PTCD1: variants seen among roughly 807,000 people sequenced by gnomAD.
PTCD1 encodes pentatricopeptide repeat-containing protein 1, mitochondrial.
PTCD1 carries 50 observed loss-of-function variants against 53.4 expected under a neutral mutation model. The ratio of observed to expected loss-of-function variants is 0.94; its 90% confidence interval spans 0.75 to 1.19. The LOEUF is 1.19. Among genes scored for constraint, PTCD1 ranks in the 50% most tolerant of loss-of-function variants. The pLI is 0.00. For missense variants in PTCD1, 918 were observed against 904.8 expected (o/e 1.01, Z -0.19); for synonymous variants, 413 against 394.8 (o/e 1.05, Z -0.55).
Position 99,420,038 on chromosome 7 carries a change from G to C in PTCD1, c.2032C>G (p.Arg678Gly). 6.2e-7 allele frequency: 1 copy of C among 1,614,222 alleles called. No homozygotes were observed. The highest frequency in any genetic ancestry group is 8.5e-7 in the Non-Finnish European group (1 of 1,180,028). ...EETPHPWQKF[R>G]TKPQGDQDTG... ...TCCTGGTCCCCCTGGGGCTTGGTCC[G>C]GAACTTCTGCCAGGGGTGCGGGGTT... Residue 678 changes from arginine (R) to glycine (G), a missense_variant, in exon 8 of 8, where the codon CGG becomes GGG. Arg to Gly is a moderately radical substitution (Grantham distance 125, BLOSUM62 -2). Coordinates refer to ENST00000292478, the MANE Select transcript of PTCD1 (RefSeq NM_015545.4).
Position 99,438,753 on chromosome 7 carries a change from G to C in PTCD1, c.-88C>G. ...CCTGCCCGGTCCCCGCGGCGAACCAGTCTCTTCCTCGGGTCCCCCTCTCCC... is the reference window on the plus strand; with the variant it reads ...CCTGCCCGGTCCCCGCGGCGAACCACTCTCTTCCTCGGGTCCCCCTCTCCC... On this transcript the variant is annotated 5_prime_UTR_variant, in exon 1 of 8. Coordinates refer to ENST00000292478, the MANE Select transcript of PTCD1 (RefSeq NM_015545.4). 7.5e-7 allele frequency: 1 copy of C among 1,331,222 alleles called. No homozygotes were observed. Among genetic ancestry groups the C allele is most frequent in the Non-Finnish European group, 9.8e-7 (1 of 1,017,976 alleles). The allele number at this position is 1,331,222 out of a possible 1,614,324, so 82.5% of individuals were successfully genotyped here. A position where few individuals can be genotyped will look rare whatever the true frequency, so the allele number is the denominator to read the frequency against.
At chr7:99,424,365 C>A (rs889928124) in intron 6 of PTCD1, among the ~76,000 whole-genome samples, 1 of 152,226 alleles carries the variant, frequency 6.6e-6, no homozygotes, top group Admixed American at 6.5e-5. Flanking sequence ...GGGACACCGA[C>A]AACCCAGGAC....
At chr7:99,427,322 G>A (rs1360538780) in intron 5 of PTCD1, among the ~76,000 whole-genome samples, 7 of 134,584 alleles carry the variant, frequency 5.2e-5, no homozygotes, top group East Asian at 2.4e-4. Flanking sequence ...TCAGCCCCCC[G>A]CCCGGCCAGC....
At position 99,429,792 on chromosome 7, in the gene PTCD1, G is replaced by A. The variant is rs557295102; in HGVS notation, c.609C>T (p.Asp203=). The change falls in exon 4 of 8, where the codon GAC becomes GAT. Residue 203 remains aspartate (D), a synonymous_variant. Transcript: ENST00000292478. ...TGTAGGTGGCGTCCGAGGGCTCCAG[G>A]TCCCGCTTTTTCATCTGTGGAGATG... ...FNLYNQMKKR[D]LEPSDATYTA... is the part of the protein sequence containing the mutation. The A allele has an allele frequency of 6.2e-7, 1 of 1,614,108 alleles. No homozygotes were observed. The highest frequency in any genetic ancestry group is 1.3e-5 in the African/African-American group (1 of 75,030).
chr7:99,434,421 C>A (rs1796378422), intron 2 of PTCD1, among the ~76,000 whole-genome samples: 1 of 152,016 alleles, frequency 6.6e-6, no homozygotes, highest in African/African-American at 2.4e-5. Context: ...TGCACTCCAG[C>A]CTGGGCGACA....
intron 5 of PTCD1, 59 bp from the exon 6 acceptor site, chr7:99,425,675 C>T: frequency 1.3e-6 from 2 of 1,554,070 alleles, no homozygotes; most frequent in African/African-American, 1.4e-5. Flanking sequence ...GGGCGCAGGG[C>T]TCACGCCTGG....
At position 99,419,535 on chromosome 7, in the gene PTCD1, G is replaced by C. The variant is rs1303231103; in HGVS notation, c.*432C>G. 6.3e-6 allele frequency: 9 copies of C among 1,437,322 alleles called. No homozygotes were observed. The highest frequency in any genetic ancestry group is 8.7e-6 in the Non-Finnish European group (9 of 1,032,436). 89.0% of individuals were successfully genotyped at this position (1,437,322 alleles called of 1,614,324 possible). On this transcript the variant is annotated 3_prime_UTR_variant, in exon 8 of 8. Transcript: ENST00000292478. The stretch of plus-strand genomic sequence containing the variant: ...GAGCAGCGAGCAGTGCCCCAGGCCC[G>C]AGTTGGAGCACGGTCTCTATGGGGA...
chr7:99,426,531 G>A (rs1345879094), intron 5 of PTCD1, among the ~76,000 whole-genome samples: 4 of 152,128 alleles, frequency 2.6e-5, no homozygotes, highest in Non-Finnish European at 2.9e-5. Flanking sequence ...GCGTGATCTC[G>A]GCTCGCTACA....
intron 1 of PTCD1, among the ~76,000 whole-genome samples, chr7:99,437,757 C>G (rs1256252122): frequency 6.6e-6 from 1 of 152,038 alleles, no homozygotes; most frequent in Non-Finnish European, 1.5e-5. Context: ...CTCTGCCTCC[C>G]GGGTTTAAGC....
At chr7:99,428,530 C>T (rs1309007401) in intron 5 of PTCD1, among the ~76,000 whole-genome samples, 2 of 151,774 alleles carry the variant, frequency 1.3e-5, no homozygotes, top group Admixed American at 1.3e-4. Flanking sequence ...TCACATGAGG[C>T]CAGGAGTTCA....
At chr7:99,423,597 C>T (rs1353717837) in intron 7 of PTCD1, among the ~76,000 whole-genome samples, 178 bp downstream of exon 7, 2 of 152,082 alleles carry the variant, frequency 1.3e-5, no homozygotes, top group Admixed American at 1.3e-4. Context: ...AGATGAGCCA[C>T]GCAGACAGGG....
Position 99,433,277 on chromosome 7 carries a change from C to T in PTCD1, c.594+1G>A. Reference sequence around the variant, plus strand: ...CCCGGCTGCCCTGCGCCCACATGCACCTGGTTGTAGAGGTTGAAGGCCTTC... The same window carrying T: ...CCCGGCTGCCCTGCGCCCACATGCATCTGGTTGTAGAGGTTGAAGGCCTTC... On this transcript the variant is annotated splice_donor_variant, in intron 3 of 7. Transcript: ENST00000292478. LOFTEE classifies it high-confidence loss of function. 6.2e-7 allele frequency: 1 copy of T among 1,614,166 alleles called. No individual in the cohort carries two copies. The highest frequency in any genetic ancestry group is 8.5e-7 in the Non-Finnish European group (1 of 1,180,024).
chr7:99,424,936 C>G lies in PTCD1; in HGVS notation c.1596G>C (p.Lys532Asn). The change falls in exon 6 of 8, where the codon AAG becomes AAC. Residue 532 changes from lysine (K) to asparagine (N), a missense_variant. Coordinates refer to ENST00000292478, the MANE Select transcript of PTCD1 (RefSeq NM_015545.4). ...FFNTLVRKKS[K>N]LGDLEGAKAL... ...CCTTGGCCCCCTCCAGGTCTCCCAG[C>G]TTGCTCTTCTTTCTCACCAGCGTGT... 1 of 1,614,256 alleles carries G rather than the reference C, an allele frequency of 6.2e-7. No individual in the cohort carries two copies. Among genetic ancestry groups the G allele is most frequent in the Non-Finnish European group, 8.5e-7 (1 of 1,180,046 alleles).
chr7:99,420,555 A>C (rs2150944403), intron 7 of PTCD1, among the ~76,000 whole-genome samples: 1 of 152,296 alleles, frequency 6.6e-6, no homozygotes, highest in East Asian at 1.9e-4. Context: ...GCTCCATGAG[A>C]TATGGGGAAA....
In PTCD1 at chr7:99,423,383, G is replaced by A. The variant is rs7780672; in HGVS notation, c.1920+392C>T. ...CATAAAGGAACAGAGTGGGAAGGGG[G>A]AGGGGAGACTTTCATCCCAGGTCAG... On this transcript the variant is annotated intron_variant, in intron 7 of 7. Transcript: ENST00000292478. 9.4e-3 allele frequency among the ~76,000 whole-genome samples: 1,430 copies of A among 152,276 alleles called. 21 individuals carry two copies. Among genetic ancestry groups the A allele is most frequent in the Non-Finnish European group, 0.014 (956 of 68,024 alleles).
At position 99,424,970 on chromosome 7, in the gene PTCD1, G is replaced by A. The variant is rs766032081; in HGVS notation, c.1562C>T (p.Thr521Ile). Residue 521 changes from threonine (T) to isoleucine (I), a missense_variant, in exon 6 of 8, where the codon ACA becomes ATA. Physicochemically the swap from Thr to Ile is moderately conservative, Grantham distance 89 (BLOSUM62 -1). Coordinates refer to ENST00000292478, the MANE Select transcript of PTCD1 (RefSeq NM_015545.4). ...LDEHQVEADLTFFNTLVRKKS... is the reference protein window; with the variant it reads ...LDEHQVEADLIFFNTLVRKKS... ...CTTTCTCACCAGCGTGTTAAAGAATGTCAGGTCGGCCTCTACCTGGTGCTC... is the reference window on the plus strand; with the variant it reads ...CTTTCTCACCAGCGTGTTAAAGAATATCAGGTCGGCCTCTACCTGGTGCTC... The A allele has an allele frequency of 2.5e-6, 4 of 1,614,254 alleles. No individual in the cohort carries two copies. The South Asian group carries it at 4.4e-5, about 18-fold the overall frequency.
Position 99,434,893 on chromosome 7 carries a change from C to CGAGA in PTCD1, c.349_350insTCTC (p.Arg117LeufsTer5). On this transcript the variant is annotated frameshift_variant, in exon 2 of 8. Transcript: ENST00000292478. LOFTEE classifies it high-confidence loss of function. ...CTCCGGTTCCATTTGCTCATCTCTC[C>CGAGA]GTTCCCCAAACCGCAGGTTATGGAA... 1 of 1,614,216 alleles carries CGAGA rather than the reference C, an allele frequency of 6.2e-7. No homozygotes were observed. The highest frequency in any genetic ancestry group is 1.1e-5 in the South Asian group (1 of 91,084).
At chr7:99,437,403 C>A (rs1307336853) in intron 1 of PTCD1, among the ~76,000 whole-genome samples, 1 of 151,834 alleles carries the variant, frequency 6.6e-6, no homozygotes, top group Non-Finnish European at 1.5e-5. Flanking sequence ...CTCCCGGATT[C>A]AAGCGATTCT....
intron 1 of PTCD1, among the ~76,000 whole-genome samples, chr7:99,437,811 C>T (rs1052214349): frequency 6.6e-6 from 1 of 152,062 alleles, no homozygotes; most frequent in Non-Finnish European, 1.5e-5. Flanking sequence ...ATTACAGGAA[C>T]GCGCCACTAC....
Sources: gnomAD v4.1 joint callset for allele counts (sites outside exome capture counted in the v4.1 genomes callset) on GRCh38, gnomAD v4.1.1 for gene constraint, MANE v1.5 for transcripts, NCBI Gene and HGNC (gene_info 2026-07-23, HGNC 2026-07-21) for gene names.